Variants in SPATA13 observed in about 807,000 individuals in gnomAD.
SPATA13 encodes spermatogenesis-associated protein 13.
In SPATA13, 50 loss-of-function variants were observed where a neutral mutation model predicts 104.0. That is an observed-to-expected ratio of 0.48 (90% CI 0.38 to 0.61). The LOEUF is 0.61. Among genes scored for constraint, SPATA13 ranks in the 20% least tolerant of loss-of-function variants. The pLI is 0.00. For missense variants in SPATA13, 1,524 were observed against 1,690.6 expected (o/e 0.90, Z 1.73); for synonymous variants, 606 against 667.5 (o/e 0.91, Z 1.42).
At chr13:24,245,584 C>CTG (rs747417579) in intron 2 of SPATA13, among the ~76,000 whole-genome samples, 3 of 88,630 alleles carry the variant, frequency 3.4e-5, no homozygotes, top group Non-Finnish European at 5.9e-5. Context: ...ACAGTTGTTT[C>CTG]TTTTTTTTTT....
chr13:24,109,126 C>T lies in SPATA13; in HGVS notation c.-112+91425C>T, dbSNP rs1405919691. The stretch of plus-strand genomic sequence containing the variant: ...CCTCTCCTTTTCCCGCACCCCACAA[C>T]AGGCCCTGATGTGTGATGTTCCCGC... On this transcript the variant is annotated intron_variant, in intron 3 of 14. Transcript: ENST00000424834. Among the ~76,000 whole-genome samples the T allele has an allele frequency of 7.2e-5, 11 of 152,110 alleles. No homozygotes were observed. The East Asian group carries it at 1.9e-3, about 27-fold the overall frequency.
At chr13:24,138,929 T>C (rs907075745) in intron 3 of SPATA13, among the ~76,000 whole-genome samples, 2 of 152,118 alleles carry the variant, frequency 1.3e-5, no homozygotes, top group African/African-American at 4.8e-5. Flanking sequence ...AGTGGAGTAT[T>C]ATTCAATTTT....
At chr13:24,227,917 T>C (rs1343044353) in intron 2 of SPATA13, among the ~76,000 whole-genome samples, 1 of 151,898 alleles carries the variant, frequency 6.6e-6, no homozygotes, top group African/African-American at 2.4e-5. Context: ...ACTTTTGTTT[T>C]CTTGAGATGG....
upstream of SPATA13, among the ~76,000 whole-genome samples, chr13:24,157,547 G>C (rs946061858): frequency 2.0e-5 from 3 of 152,134 alleles, no homozygotes; most frequent in African/African-American, 7.2e-5. Context: ...TGATCTGCCC[G>C]TCTTGGCCTC....
intron 4 of SPATA13, among the ~76,000 whole-genome samples, chr13:24,259,107 A>G (rs1873933848): frequency 6.6e-6 from 1 of 152,214 alleles, no homozygotes; most frequent in Non-Finnish European, 1.5e-5. Context: ...GGGCCTCCCA[A>G]GAACCCCTGG....
intron 2 of SPATA13, among the ~76,000 whole-genome samples, chr13:24,241,393 G>A (rs1872823866): frequency 6.6e-6 from 1 of 152,228 alleles, no homozygotes; most frequent in Non-Finnish European, 1.5e-5. Context: ...GAGGGGTGCA[G>A]CAGAGCCATC....
chr13:24,255,876 A>G (rs1873766366), intron 4 of SPATA13, among the ~76,000 whole-genome samples: 1 of 152,254 alleles, frequency 6.6e-6, no homozygotes, highest in African/African-American at 2.4e-5. Context: ...ATTTTGAGAC[A>G]CGTTGGGGAG....
intron 2 of SPATA13, among the ~76,000 whole-genome samples, chr13:24,239,663 C>T (rs1464390646): frequency 4.0e-5 from 5 of 124,174 alleles, no homozygotes; most frequent in African/African-American, 1.5e-4. Context: ...TCACTGCACT[C>T]CAGCCTGGGT....
At chr13:24,013,270 C>T (rs1876563037) in intron 2 of SPATA13, among the ~76,000 whole-genome samples, 1 of 152,324 alleles carries the variant, frequency 6.6e-6, no homozygotes, top group South Asian at 2.1e-4. Context: ...AAGTGGAACT[C>T]TGATTTCATC....
rs1356349752 is a variant in SPATA13 at position 24,223,474 on chromosome 13, A to G, written c.545A>G (p.Asp182Gly). Residue 182 changes from aspartate (D) to glycine (G), a missense_variant, in exon 2 of 13, where the codon GAT (aspartate) becomes GGT (glycine). Asp to Gly is a moderately conservative substitution (Grantham distance 94). This residue lies in a region of SPATA13 where 1,089 missense variants were observed against 1,135.9 expected (regional missense o/e 0.96). Coordinates refer to ENST00000382108, the MANE Select transcript of SPATA13 (RefSeq NM_001166271.3). ...AGGCCAGCAGAGTGGGGCACATTGG[A>G]TGGCTCCGACCTCGAGGACACGGAC... ...ALRPAEWGTL[D>G]GSDLEDTDDA... 3 of 1,549,620 alleles carry G rather than the reference A, an allele frequency of 1.9e-6. No individual in the cohort carries two copies. In the East Asian group the frequency reaches 7.3e-5, roughly 38 times the overall value.
intron 3 of SPATA13, among the ~76,000 whole-genome samples, chr13:24,063,863 C>G (rs1264977429): frequency 6.6e-6 from 1 of 152,224 alleles, no homozygotes; most frequent in Non-Finnish European, 1.5e-5. Flanking sequence ...GGGCACTCCA[C>G]TCACCATCCC....
At chr13:24,192,304 T>A (rs1428204078) in intron 1 of SPATA13, among the ~76,000 whole-genome samples, 1 of 152,204 alleles carries the variant, frequency 6.6e-6, no homozygotes, top group Non-Finnish European at 1.5e-5. Context: ...CAATGACCTG[T>A]TAATTTCCAA....
At chr13:24,142,700 T>G (rs999291878) in intron 3 of SPATA13, among the ~76,000 whole-genome samples, 2 of 152,178 alleles carry the variant, frequency 1.3e-5, no homozygotes, top group Non-Finnish European at 2.9e-5. Flanking sequence ...CTCTTCCTTC[T>G]TTTTCCTCCC....
chr13:24,249,814 C>A lies in SPATA13; in HGVS notation c.1991C>A (p.Thr664Lys). ...GGVSLYGTNQ[T>K]EELDNLLTQP... is the part of the protein sequence containing the mutation. ...GTCAGCTTGTATGGGACCAACCAGACGGAGGAACTGGACAATCTTCTGACC... is the reference window on the plus strand; with the variant it reads ...GTCAGCTTGTATGGGACCAACCAGAAGGAGGAACTGGACAATCTTCTGACC... The change falls in exon 3 of 13, where the codon ACG becomes AAG. Residue 664 changes from threonine to lysine, a missense_variant. By Grantham distance (78) the Thr-to-Lys change is moderately conservative. Coordinates refer to ENST00000382108, the MANE Select transcript of SPATA13 (RefSeq NM_001166271.3). 6.2e-7 allele frequency: 1 copy of A among 1,609,676 alleles called. No homozygotes were observed. The highest frequency in any genetic ancestry group is 8.5e-7 in the Non-Finnish European group (1 of 1,177,876).
At chr13:24,014,100 G>T (rs983202908) in intron 2 of SPATA13, among the ~76,000 whole-genome samples, 1 of 152,184 alleles carries the variant, frequency 6.6e-6, no homozygotes, top group African/African-American at 2.4e-5. Flanking sequence ...TGTCCTGGAG[G>T]CTGGAGGCCA....
At chr13:24,202,514 CTTT>C (rs1870469409) in intron 1 of SPATA13, among the ~76,000 whole-genome samples, 1 of 103,368 alleles carries the variant, frequency 9.7e-6, no homozygotes, top group Admixed American at 1.1e-4. Context: ...TGCTTTCTTT[CTTT>C]CCCTTTTTTT....
Position 24,286,739 on chromosome 13 carries a change from A to C in SPATA13, c.2482-26A>C. 1 of 1,608,634 alleles carries C rather than the reference A, an allele frequency of 6.2e-7. No individual in the cohort carries two copies. The highest frequency in any genetic ancestry group is 8.5e-7 in the Non-Finnish European group (1 of 1,177,060). On this transcript the variant is annotated intron_variant, in intron 6 of 12. Coordinates refer to ENST00000382108, the MANE Select transcript of SPATA13 (RefSeq NM_001166271.3). The surrounding 1 kb of genome is among the most constrained non-coding windows in gnomAD (Gnocchi z 4.9). Reference sequence around the variant, plus strand: ...ATGCTGCCCTCCCCTGCCCCAAGTCACCTGTCCCCTGTATGTGGGTTGCAG... The same window carrying C: ...ATGCTGCCCTCCCCTGCCCCAAGTCCCCTGTCCCCTGTATGTGGGTTGCAG...
At chr13:24,092,018 C>T (rs551917118) in intron 3 of SPATA13, among the ~76,000 whole-genome samples, 24 of 152,266 alleles carry the variant, frequency 1.6e-4, no homozygotes, top group African/African-American at 4.3e-4. Context: ...TTCTTCCTGA[C>T]GGTTAGTCAT....
intron 3 of SPATA13, among the ~76,000 whole-genome samples, chr13:24,058,325 C>T (rs1417751696): frequency 6.6e-6 from 1 of 151,824 alleles, no homozygotes; most frequent in Admixed American, 6.6e-5. Context: ...CTGATTCAGT[C>T]ACTGTTTAAA....
Sources: allele counts gnomAD v4.1 joint callset (sites outside exome capture counted in the v4.1 genomes callset), GRCh38; gene constraint gnomAD v4.1.1; regional missense constraint gnomAD v4.1.1; non-coding constraint Gnocchi (gnomAD v3.1); transcripts MANE v1.5; gene names NCBI Gene and HGNC (gene_info 2026-07-23, HGNC 2026-07-21).